Variants in KCNIP4 observed in about 807,000 individuals in gnomAD.
KCNIP4 encodes the protein Kv channel-interacting protein 4.
Under a neutral mutation model 34.0 loss-of-function variants are expected in KCNIP4, and 12 were observed. The observed-to-expected ratio is 0.35, with a 90% CI of 0.23 to 0.57. The LOEUF (loss-of-function observed/expected upper bound fraction) is 0.57. Ranked by LOEUF, KCNIP4 falls within the 20% of genes least tolerant of loss-of-function variation. The pLI is 0.83. For missense variants in KCNIP4, 238 were observed against 311.7 expected (o/e 0.76, Z 1.78); for synonymous variants, 124 against 102.2 (o/e 1.21, Z -1.29).
At chr4:21,341,283 C>T (rs1716739058) in intron 1 of KCNIP4, among the ~76,000 whole-genome samples, 1 of 151,974 alleles carries the variant, frequency 6.6e-6, no homozygotes. Flanking sequence ...TGTTTTACGC[C>T]ACCCAATTTT....
chr4:21,188,254 G>A (rs990770993), intron 1 of KCNIP4, among the ~76,000 whole-genome samples: 5 of 152,134 alleles, frequency 3.3e-5, no homozygotes, highest in African/African-American at 4.8e-5. Flanking sequence ...GTGCTGGAGT[G>A]AAGGATAAAC....
At chr4:21,428,939 A>G (rs1295811952) in intron 1 of KCNIP4, among the ~76,000 whole-genome samples, 2 of 152,190 alleles carry the variant, frequency 1.3e-5, no homozygotes, top group East Asian at 3.9e-4. Flanking sequence ...TTATACCACA[A>G]TGGTATACTG....
Position 21,623,589 on chromosome 4 carries a change from A to G in KCNIP4, c.61+324982T>C, listed in dbSNP as rs1210031323. On this transcript the variant is annotated intron_variant, in intron 1 of 8. Transcript: ENST00000382152. ...TTACCTGGGAGTTCTGCCACTTACT[A>G]CTTTCTGCCATCTACTACTCTCAAA... is the stretch of plus-strand genomic sequence containing the variant. 6.6e-5 allele frequency among the ~76,000 whole-genome samples: 10 copies of G among 152,262 alleles called. No individual in the cohort carries two copies. The East Asian group carries it at 1.9e-3, about 29-fold the overall frequency.
At chr4:21,743,707 T>C (rs1203579919) in intron 1 of KCNIP4, among the ~76,000 whole-genome samples, 2 of 151,632 alleles carry the variant, frequency 1.3e-5, no homozygotes, top group Admixed American at 6.6e-5. Flanking sequence ...AAAAATATTA[T>C]AATTCAACTT....
chr4:21,292,667 C>T (rs1032665247), intron 1 of KCNIP4, among the ~76,000 whole-genome samples: 1 of 152,100 alleles, frequency 6.6e-6, no homozygotes, highest in East Asian at 1.9e-4. Context: ...ATCAATTACT[C>T]CCCACCACAC....
intron 1 of KCNIP4, among the ~76,000 whole-genome samples, chr4:21,324,924 C>CA (rs1714880268): frequency 6.6e-6 from 1 of 151,726 alleles, no homozygotes; most frequent in Admixed American, 6.6e-5. Context: ...ATGTTCTTTT[C>CA]AATTTCTTGC....
At chr4:21,301,476 T>A (rs1020373740) in intron 1 of KCNIP4, among the ~76,000 whole-genome samples, 3 of 152,164 alleles carry the variant, frequency 2.0e-5, no homozygotes, top group Non-Finnish European at 4.4e-5. Flanking sequence ...CAAGATTTTC[T>A]ACTTAATATT....
rs34264945 is a variant in KCNIP4, at chr4:20,817,675, CT to C, written c.288+32867del. On this transcript the variant is annotated intron_variant, in intron 3 of 8. Transcript: ENST00000382152. ...CCTTGATTACAAGCTCTTTGAGGAT[CT>C]TTTTTTTTTTTCTTTCCTGCCTGGT... Among the ~76,000 whole-genome samples, 1,254 of 140,728 alleles carry C rather than the reference CT, an allele frequency of 8.9e-3. 10 individuals are homozygous for C. Among genetic ancestry groups the C allele is most frequent in the African/African-American group, 0.029 (1,112 of 38,446 alleles). The allele number at this position is 140,728 out of a possible 152,430, so 92.3% of individuals were successfully genotyped here. A position where few individuals can be genotyped will look rare whatever the true frequency, so the allele number is the denominator to read the frequency against.
At chr4:21,405,212 G>A (rs1014862317) in intron 1 of KCNIP4, among the ~76,000 whole-genome samples, 1 of 151,988 alleles carries the variant, frequency 6.6e-6, no homozygotes. Context: ...CCTAACCCTG[G>A]CTCCTTAAAT....
At chr4:21,413,608 T>C (rs1372843407) in intron 1 of KCNIP4, among the ~76,000 whole-genome samples, 1 of 152,166 alleles carries the variant, frequency 6.6e-6, no homozygotes, top group African/African-American at 2.4e-5. Flanking sequence ...TTTTATAATC[T>C]GTTTTTCCAG....
intron 2 of KCNIP4, among the ~76,000 whole-genome samples, chr4:20,860,536 G>C (rs1225610331): frequency 6.6e-6 from 1 of 152,074 alleles, no homozygotes. Context: ...TTCTATTTGA[G>C]CTGAAATTAA....
chr4:20,779,632 A>T (rs1270484831), intron 3 of KCNIP4, among the ~76,000 whole-genome samples: 1 of 137,028 alleles, frequency 7.3e-6, no homozygotes, highest in African/African-American at 2.7e-5. Context: ...AGGTATAATT[A>T]GTTTAAGGAT....
chr4:21,247,196 G>A (rs186997877), intron 1 of KCNIP4, among the ~76,000 whole-genome samples: 1 of 152,248 alleles, frequency 6.6e-6, no homozygotes, highest in East Asian at 1.9e-4. Context: ...AGACTGTGAA[G>A]ATGAGCAACT....
At chr4:21,400,535 C>A (rs1391236405) in intron 1 of KCNIP4, among the ~76,000 whole-genome samples, 51 of 87,840 alleles carry the variant, frequency 5.8e-4, no homozygotes, top group East Asian at 9.0e-4. Context: ...CTTCTCTTCT[C>A]TTCTCTTCTC....
intron 1 of KCNIP4, among the ~76,000 whole-genome samples, chr4:21,710,155 G>T (rs1713609355): frequency 6.6e-6 from 1 of 152,178 alleles, no homozygotes; most frequent in Non-Finnish European, 1.5e-5. Flanking sequence ...TACCTCTTTA[G>T]CACTTCATCC....
At chr4:20,886,189 C>T (rs1725292841) in intron 1 of KCNIP4, among the ~76,000 whole-genome samples, 1 of 152,176 alleles carries the variant, frequency 6.6e-6, no homozygotes, top group Non-Finnish European at 1.5e-5. Flanking sequence ...TGAGGGAACT[C>T]TTTCCAAGAA....
At chr4:21,140,114 A>G (rs1481904525) in intron 1 of KCNIP4, among the ~76,000 whole-genome samples, 1 of 152,144 alleles carries the variant, frequency 6.6e-6, no homozygotes, top group Non-Finnish European at 1.5e-5. Flanking sequence ...AAGAAAAAGC[A>G]TGATCTTTCA....
intron 3 of KCNIP4, among the ~76,000 whole-genome samples, chr4:20,794,110 A>G (rs1713135494): frequency 6.6e-6 from 1 of 152,108 alleles, no homozygotes; most frequent in Non-Finnish European, 1.5e-5. Context: ...GCCTTCTGCC[A>G]TGATTGTGAG....
At chr4:20,945,205 G>T (rs1231172671) in intron 1 of KCNIP4, among the ~76,000 whole-genome samples, 3 of 152,132 alleles carry the variant, frequency 2.0e-5, no homozygotes, top group Non-Finnish European at 2.9e-5. Flanking sequence ...ACTGATTCAG[G>T]GCAGCAATCT....
Sources: allele counts gnomAD v4.1 joint callset (sites outside exome capture counted in the v4.1 genomes callset), GRCh38; gene constraint gnomAD v4.1.1; transcripts MANE v1.5; gene names NCBI Gene and HGNC (gene_info 2026-07-23, HGNC 2026-07-21).